PTGFRN: variants seen among roughly 807,000 people sequenced by gnomAD.
PTGFRN encodes prostaglandin F2 receptor negative regulator.
In PTGFRN, 35 loss-of-function variants were observed where a neutral mutation model predicts 83.2. The ratio of observed to expected loss-of-function variants is 0.42; its 90% CI spans 0.32 to 0.56. PTGFRN has a LOEUF of 0.56. Ranked by LOEUF, PTGFRN falls within the 20% of genes least tolerant of loss-of-function variation. The pLI is 0.11. For synonymous variants in PTGFRN, 519 were observed against 498.6 expected (o/e 1.04, Z -0.55); for missense variants, 1,051 against 1,179.5 (o/e 0.89, Z 1.60).
chr1:116,977,880 G>A (rs1301758687), intron 7 of PTGFRN, among the ~76,000 whole-genome samples: 1 of 152,098 alleles, frequency 6.6e-6, no homozygotes, highest in African/African-American at 2.4e-5. Flanking sequence ...TCAGAGCGGA[G>A]CTGAAGGAGA....
chr1:116,957,228 T>C, intron 4 of PTGFRN, among the ~76,000 whole-genome samples: 1 of 151,978 alleles, frequency 6.6e-6, no homozygotes, highest in East Asian at 1.9e-4. Flanking sequence ...AATTCGGTTG[T>C]GAGCGTGCTG....
chr1:116,911,432 C>T (rs1448525455), intron 1 of PTGFRN, among the ~76,000 whole-genome samples: 1 of 152,176 alleles, frequency 6.6e-6, no homozygotes, highest in Non-Finnish European at 1.5e-5. Flanking sequence ...GACACCGGGG[C>T]CCACACTGCT....
intron 1 of PTGFRN, among the ~76,000 whole-genome samples, chr1:116,926,528 A>C (rs1274738219): frequency 2.0e-5 from 3 of 152,210 alleles, no homozygotes; most frequent in African/African-American, 7.2e-5. Context: ...TTGGTTAATC[A>C]TCAGTACAGA....
intron 6 of PTGFRN, among the ~76,000 whole-genome samples, chr1:116,973,108 G>A (rs1651050986): frequency 6.6e-6 from 1 of 152,028 alleles, no homozygotes; most frequent in Non-Finnish European, 1.5e-5. Flanking sequence ...TGTAGAGGCG[G>A]GATTTTGCCA....
At chr1:116,981,903 C>T (rs1232629933) in intron 7 of PTGFRN, among the ~76,000 whole-genome samples, 1 of 152,088 alleles carries the variant, frequency 6.6e-6, no homozygotes, top group East Asian at 1.9e-4. Context: ...GTGAACATGG[C>T]TGATCTTTAG....
chr1:116,931,496 C>CTTTTTTTTTT (rs10597434), intron 1 of PTGFRN, among the ~76,000 whole-genome samples: 1 of 132,918 alleles, frequency 7.5e-6, no homozygotes. Context: ...TGAACTTTTT[C>CTTTTTTTTTT]TTTTTTTTTT....
At position 116,985,079 on chromosome 1, in the gene PTGFRN, A is replaced by C. The variant is rs529981865; in HGVS notation, c.2473+94A>C. On this transcript the variant is annotated intron_variant, in intron 8 of 8. Coordinates refer to ENST00000393203, the MANE Select transcript of PTGFRN (RefSeq NM_020440.4). ...GAACCCAGGTGGCCACAGTTTGAGG[A>C]ATGTGCCATAGCACGTCCTGCTTTC... 16 of 1,306,516 alleles carry C rather than the reference A, an allele frequency of 1.2e-5. No individual in the cohort carries two copies. The South Asian group carries it at 2.2e-4, about 18-fold the overall frequency. The allele number at this position is 1,306,516 out of a possible 1,614,324, so 80.9% of individuals were successfully genotyped here.
chr1:116,950,366 G>A (rs1197480249), intron 4 of PTGFRN, among the ~76,000 whole-genome samples: 2 of 152,200 alleles, frequency 1.3e-5, no homozygotes, highest in African/African-American at 4.8e-5. Flanking sequence ...AGCTGGGTGT[G>A]GAAAGCTTCG....
At chr1:116,910,630 C>T (rs1649244108) in intron 1 of PTGFRN, among the ~76,000 whole-genome samples, 1 of 152,014 alleles carries the variant, frequency 6.6e-6, no homozygotes, top group Non-Finnish European at 1.5e-5. Context: ...GGCCCGGGTC[C>T]TCGGCTCGAG....
Position 116,988,339 on chromosome 1 carries a change from C to G in PTGFRN, c.*1372C>G. ...CTCCCATCAGGAATAGGAGAGTAGA[C>G]AGAGATCTTCCACATCCCAGGCTTC... On this transcript the variant is annotated 3_prime_UTR_variant, in exon 9 of 9. Coordinates refer to ENST00000393203, the MANE Select transcript of PTGFRN (RefSeq NM_020440.4). 6.6e-6 allele frequency: 1 copy of G among 152,576 alleles called. No individual in the cohort carries two copies. Among genetic ancestry groups the G allele is most frequent in the African/African-American group, 2.4e-5 (1 of 41,414 alleles). The allele number at this position is 152,576 out of a possible 1,614,324, so 9.5% of individuals were successfully genotyped here.
At chr1:116,929,918 T>G (rs1395296532) in intron 1 of PTGFRN, among the ~76,000 whole-genome samples, 1 of 152,214 alleles carries the variant, frequency 6.6e-6, no homozygotes, top group African/African-American at 2.4e-5. Context: ...CTCCTGGCTC[T>G]TACTTTCCAG....
chr1:116,942,593 G>A (rs1419974629), intron 2 of PTGFRN, among the ~76,000 whole-genome samples: 1 of 152,210 alleles, frequency 6.6e-6, no homozygotes, highest in Non-Finnish European at 1.5e-5. Flanking sequence ...TGTTAATGAT[G>A]CTCAGGTTTA....
At chr1:116,967,358 G>C in intron 6 of PTGFRN, 28 bp downstream of exon 6, 2 of 1,588,824 alleles carry the variant, frequency 1.3e-6, no homozygotes, top group Non-Finnish European at 1.7e-6. Context: ...TTGAATCATA[G>C]GTGGAGCTAG....
At chr1:116,975,469 C>T (rs933435067) in intron 7 of PTGFRN, among the ~76,000 whole-genome samples, 5 of 152,156 alleles carry the variant, frequency 3.3e-5, no homozygotes, top group Admixed American at 1.3e-4. Context: ...CTGGGAGGAA[C>T]CCCCCAGTAG....
chr1:116,939,124 C>T (rs570523069), intron 1 of PTGFRN, among the ~76,000 whole-genome samples: 4 of 152,334 alleles, frequency 2.6e-5, no homozygotes, highest in South Asian at 2.1e-4. Context: ...TCCAGGTGAA[C>T]GGTGCAAGCT....
intron 1 of PTGFRN, among the ~76,000 whole-genome samples, chr1:116,914,954 A>T (rs746504296): frequency 2.0e-5 from 3 of 152,166 alleles, no homozygotes; most frequent in Non-Finnish European, 4.4e-5. Flanking sequence ...TCTGACGTAC[A>T]TTCTGGTATT....
intron 7 of PTGFRN, among the ~76,000 whole-genome samples, chr1:116,975,221 G>T (rs1403963015): frequency 1.3e-5 from 2 of 152,260 alleles, no homozygotes; most frequent in East Asian, 3.9e-4. Flanking sequence ...AAACAGAGCT[G>T]CAGGGAAGCT....
At chr1:116,950,574 A>G (rs1347932066) in intron 4 of PTGFRN, among the ~76,000 whole-genome samples, 1 of 151,726 alleles carries the variant, frequency 6.6e-6, no homozygotes, top group Non-Finnish European at 1.5e-5. Flanking sequence ...ATGACCTCCA[A>G]CTCATACTTA....
rs528721592 is a variant in PTGFRN, at chr1:116,967,849, T to C, written c.2059+519T>C. The stretch of plus-strand genomic sequence containing the variant: ...TCATCAGTTGATGGACATTTGGGTG[T>C]TTCCAGTTCTTGACTGTTACAAATA... On this transcript the variant is annotated intron_variant, in intron 6 of 8. Transcript: ENST00000393203. 5.3e-5 allele frequency among the ~76,000 whole-genome samples: 8 copies of C among 152,364 alleles called. No individual in the cohort carries two copies. The East Asian group carries it at 1.5e-3, about 29-fold the overall frequency.
Sources: allele counts gnomAD v4.1 joint callset (sites outside exome capture counted in the v4.1 genomes callset), GRCh38; gene constraint gnomAD v4.1.1; transcripts MANE v1.5; gene names NCBI Gene and HGNC (gene_info 2026-07-23, HGNC 2026-07-21).